Variants in CUX1 observed in about 807,000 individuals in gnomAD.
CUX1 encodes the protein cut like homeobox 1, also known as protein CASP.
In CUX1, 31 loss-of-function variants were observed where a neutral mutation model predicts 158.8. The ratio of observed to expected loss-of-function variants is 0.20; its 90% CI spans 0.15 to 0.26. The LOEUF (loss-of-function observed/expected upper bound fraction) is 0.26, where lower values mean the gene tolerates loss of function less well. Ranked by LOEUF, CUX1 falls within the 10% of genes least tolerant of loss-of-function variation. CUX1 has a pLI of 1.00. For synonymous variants in CUX1, 879 were observed against 862.1 expected (o/e 1.02, Z -0.34); for missense variants, 1,589 against 2,014.6 (o/e 0.79, Z 4.04).
chr7:102,082,295 G>A (rs1361553746), intron 4 of CUX1, among the ~76,000 whole-genome samples: 1 of 146,702 alleles, frequency 6.8e-6, no homozygotes, highest in Admixed American at 6.9e-5. Context: ...GGAGGCTGAG[G>A]GCAGGCGGAT....
intron 1 of CUX1, among the ~76,000 whole-genome samples, chr7:101,843,490 A>G (rs111589766): frequency 1.3e-4 from 20 of 151,974 alleles, no homozygotes; most frequent in African/African-American, 4.6e-4. Context: ...TGTGCAATCT[A>G]TTTTATTCTT....
At chr7:101,943,415 G>C (rs1330995935) in intron 2 of CUX1, among the ~76,000 whole-genome samples, 1 of 152,030 alleles carries the variant, frequency 6.6e-6, no homozygotes, top group Non-Finnish European at 1.5e-5. Flanking sequence ...CCTCTGGTCA[G>C]TGCTTCTGTT....
chr7:102,279,685 TG>T (rs111265010), intron 18 of CUX1, among the ~76,000 whole-genome samples: 102 of 152,216 alleles, frequency 6.7e-4, no homozygotes, highest in Non-Finnish European at 3.2e-4. Context: ...GGTGGCCAGC[TG>T]GGGGGCGTCT....
At chr7:102,155,560 A>C (rs1386873423) in intron 8 of CUX1, among the ~76,000 whole-genome samples, 1 of 151,886 alleles carries the variant, frequency 6.6e-6, no homozygotes, top group African/African-American at 2.4e-5. Flanking sequence ...AAAAAAAAAA[A>C]CAACACAAAA....
intron 1 of CUX1, among the ~76,000 whole-genome samples, chr7:101,845,105 A>G (rs1012525746): frequency 4.0e-5 from 6 of 151,752 alleles, no homozygotes; most frequent in African/African-American, 1.5e-4. Flanking sequence ...TTTCTAGGAC[A>G]CCCACTGTAC....
At chr7:101,891,199 G>GT (rs1800842038) in intron 1 of CUX1, among the ~76,000 whole-genome samples, 1 of 151,958 alleles carries the variant, frequency 6.6e-6, no homozygotes, top group Admixed American at 6.6e-5. Flanking sequence ...GACTGGATCT[G>GT]TTTTTTTATT....
chr7:101,911,754 C>T (rs1163952420), intron 1 of CUX1, among the ~76,000 whole-genome samples: 1 of 152,236 alleles, frequency 6.6e-6, no homozygotes, highest in Admixed American at 6.5e-5. Context: ...GTCAGCTCGG[C>T]CCATTGACTT....
At chr7:101,827,068 A>G (rs1347642842) in intron 1 of CUX1, among the ~76,000 whole-genome samples, 1 of 152,110 alleles carries the variant, frequency 6.6e-6, no homozygotes, top group Non-Finnish European at 1.5e-5. Context: ...AAGTAACATA[A>G]GTGTTACTTT....
chr7:102,024,224 T>A (rs911449674), intron 2 of CUX1, among the ~76,000 whole-genome samples: 17 of 152,246 alleles, frequency 1.1e-4, no homozygotes, highest in African/African-American at 4.1e-4. Context: ...CCTCTTCCAT[T>A]TCTCTGCTAC....
Position 102,234,064 on chromosome 7 carries a change from T to C in CUX1, c.3446T>C (p.Phe1149Ser). The change falls in exon 22 of 24, where the codon TTT becomes TCT. Residue 1149 changes from phenylalanine to serine, a missense_variant. Phe to Ser is a radical substitution (Grantham distance 155). Around this residue, in one of 8 missense-constraint regions of CUX1, gnomAD observed 259 missense variants for 373.8 expected, o/e 0.69. Transcript: ENST00000292535. ...LTDNNLGQRL[F>S]GETILGLTQG... The stretch of plus-strand genomic sequence containing the variant: ...GTTTTCTCTCTAGGCCAGCGCTTAT[T>C]TGGGGAGACCATCTTAGGGCTCACC... 1 of 1,539,642 alleles carries C rather than the reference T, an allele frequency of 6.5e-7. No homozygotes were observed. Among genetic ancestry groups the C allele is most frequent in the Non-Finnish European group, 8.7e-7 (1 of 1,146,398 alleles).
intron 2 of CUX1, among the ~76,000 whole-genome samples, chr7:101,978,539 A>G (rs1420228571): frequency 2.6e-5 from 4 of 152,214 alleles, no homozygotes; most frequent in Non-Finnish European, 5.9e-5. Flanking sequence ...CCTTCTGTCC[A>G]TTCTCTTTCC....
chr7:101,816,144 G>T (rs762201886), upstream of CUX1: 1 of 1,140,970 alleles, frequency 8.8e-7, no homozygotes, highest in South Asian at 2.1e-5. Flanking sequence ...GGCTGCGGGC[G>T]GTCGCGGCCT....
chr7:102,123,336 G>A (rs993232369), intron 8 of CUX1, among the ~76,000 whole-genome samples: 7 of 151,940 alleles, frequency 4.6e-5, no homozygotes, highest in Non-Finnish European at 7.4e-5. Flanking sequence ...TCGGCCGGGC[G>A]CAGTGGCTCA....
At chr7:101,861,308 C>A (rs576584025) in intron 1 of CUX1, among the ~76,000 whole-genome samples, 16 of 152,316 alleles carry the variant, frequency 1.1e-4, no homozygotes, top group African/African-American at 3.8e-4. Flanking sequence ...AGTGCAATGG[C>A]GTCTCTGCGT....
chr7:102,013,208 G>A (rs990555735), intron 2 of CUX1, among the ~76,000 whole-genome samples: 48 of 151,338 alleles, frequency 3.2e-4, no homozygotes, highest in African/African-American at 1.1e-3. Flanking sequence ...CTGAGACGTA[G>A]ATCAAGAGAA....
intron 8 of CUX1, among the ~76,000 whole-genome samples, chr7:102,123,469 C>A (rs1276973182): frequency 6.7e-6 from 1 of 149,758 alleles, no homozygotes; most frequent in African/African-American, 2.5e-5. Context: ...ATGAGCCAGG[C>A]GTGGTGGCGG....
At chr7:102,065,438 C>T (rs974343105) in intron 3 of CUX1, among the ~76,000 whole-genome samples, 17 of 152,284 alleles carry the variant, frequency 1.1e-4, no homozygotes, top group Admixed American at 9.8e-4. Context: ...GTCTTGAACT[C>T]CTGCCTCCAT....
At chr7:102,072,606 GA>G (rs908716777) in intron 4 of CUX1, among the ~76,000 whole-genome samples, 1 of 152,162 alleles carries the variant, frequency 6.6e-6, no homozygotes, top group African/African-American at 2.4e-5. Flanking sequence ...AGAAAAGGTG[GA>G]GGTTTGCAAA....
chr7:101,919,214 G>T, intron 2 of CUX1, among the ~76,000 whole-genome samples: 1 of 152,230 alleles, frequency 6.6e-6, no homozygotes, highest in East Asian at 1.9e-4. Context: ...GTGTGTGGGG[G>T]GGGAGCTGTG....
Sources: allele counts gnomAD v4.1 joint callset (sites outside exome capture counted in the v4.1 genomes callset), GRCh38; gene constraint gnomAD v4.1.1; regional missense constraint gnomAD v4.1.1; transcripts MANE v1.5; gene names NCBI Gene and HGNC (gene_info 2026-07-23, HGNC 2026-07-21).